Variants in ATP2C1 observed in about 807,000 individuals in gnomAD.
The protein encoded by ATP2C1 is calcium-transporting ATPase type 2C member 1.
Under a neutral mutation model 120.5 loss-of-function variants are expected in ATP2C1, and 31 were observed. The observed-to-expected ratio is 0.26, with a 90% CI of 0.19 to 0.35. The LOEUF is 0.35. Among genes scored for constraint, ATP2C1 ranks in the 10% least tolerant of loss-of-function variants. The pLI is 1.00. For synonymous variants in ATP2C1, 351 were observed against 358.7 expected, an observed-to-expected ratio of 0.98 and a Z score of 0.24; for missense variants, 731 against 1,107.5, an observed-to-expected ratio of 0.66 and a Z score of 4.83.
chr3:130,935,352 G>A (rs1046667887), intron 5 of ATP2C1, among the ~76,000 whole-genome samples: 1 of 152,106 alleles, frequency 6.6e-6, no homozygotes, highest in African/African-American at 2.4e-5. Flanking sequence ...TCCTTATAGT[G>A]CATGCTGTAT....
downstream of ATP2C1, among the ~76,000 whole-genome samples, chr3:131,003,817 A>C (rs2062999317): frequency 6.6e-6 from 1 of 152,230 alleles, no homozygotes; most frequent in African/African-American, 2.4e-5. Flanking sequence ...ATACTATATA[A>C]GTAAAGTAAG....
chr3:130,954,016 T>C (rs766225025), intron 9 of ATP2C1, 40 bp downstream of exon 9: 1 of 1,603,818 alleles, frequency 6.2e-7, no homozygotes, highest in South Asian at 1.1e-5. Flanking sequence ...AGTTCCTTTG[T>C]TTGAAACTAT....
chr3:130,908,469 T>TA (rs111613898), intron 2 of ATP2C1, among the ~76,000 whole-genome samples: 1,941 of 143,904 alleles, frequency 0.013, 21 homozygotes, highest in East Asian at 0.079. Flanking sequence ...TATTAGAAAT[T>TA]AAAAAAAAAA....
At chr3:130,988,596 C>G (rs998774721) in intron 20 of ATP2C1, among the ~76,000 whole-genome samples, 2 of 152,098 alleles carry the variant, frequency 1.3e-5, no homozygotes, top group East Asian at 1.9e-4. Flanking sequence ...AGGGATGACA[C>G]CCACGACCAG....
chr3:131,016,354 A>T, exon 27 of ATP2C1: 2 of 1,614,164 alleles, frequency 1.2e-6, no homozygotes, highest in Non-Finnish European at 1.7e-6. Flanking sequence ...ATAAAGAAAC[A>T]GCCCAAGGGC....
At chr3:130,917,672 G>T (rs2058746247) in intron 2 of ATP2C1, among the ~76,000 whole-genome samples, 1 of 152,172 alleles carries the variant, frequency 6.6e-6, no homozygotes. Flanking sequence ...TTGTGGTAAA[G>T]AGATCTAGCC....
chr3:130,937,806 A>G (rs773958790), intron 6 of ATP2C1, among the ~76,000 whole-genome samples: 1 of 152,234 alleles, frequency 6.6e-6, no homozygotes, highest in Non-Finnish European at 1.5e-5. Flanking sequence ...ACCAGAGTTT[A>G]TAGTTTCATA....
chr3:131,002,484 T>G lies in ATP2C1; in HGVS notation c.*1134T>G. ...GTATATCTCTTCTACTTTCATCATG[T>G]GTTCTGTACCTTCTTTTTGTTTCAT... On this transcript the variant is annotated 3_prime_UTR_variant, in exon 28 of 28. Coordinates refer to ENST00000510168, the MANE Select transcript of ATP2C1 (RefSeq NM_001378687.1). 1.0e-6 allele frequency: 1 copy of G among 985,444 alleles called. No individual in the cohort carries two copies. The highest frequency in any genetic ancestry group is 1.2e-6 in the Non-Finnish European group (1 of 829,932). 61.0% of individuals were successfully genotyped at this position (985,444 alleles called of 1,614,324 possible). A position where few individuals can be genotyped will look rare whatever the true frequency, so the allele number is the denominator to read the frequency against.
intron 17 of ATP2C1, among the ~76,000 whole-genome samples, chr3:130,974,156 A>G (rs1325070566): frequency 6.6e-6 from 1 of 152,216 alleles, no homozygotes; most frequent in Admixed American, 6.5e-5. Context: ...AGAGTTTAGG[A>G]AGAATGAATG....
chr3:130,866,660 G>A (rs2068187020), intron 1 of ATP2C1, among the ~76,000 whole-genome samples: 1 of 152,182 alleles, frequency 6.6e-6, no homozygotes, highest in South Asian at 2.1e-4. Context: ...CCTAAGAGGG[G>A]AGAAGTATGA....
chr3:131,010,260 G>A (rs561926410), intron 26 of ATP2C1, among the ~76,000 whole-genome samples: 1 of 148,134 alleles, frequency 6.8e-6, no homozygotes, highest in Non-Finnish European at 1.5e-5. Context: ...GAACGATCTC[G>A]GCTCACTGCA....
chr3:130,850,771 A>G, exon 1 of ATP2C1: 4 of 871,746 alleles, frequency 4.6e-6, no homozygotes, highest in African/African-American at 1.8e-5. Flanking sequence ...CTAATTTCAT[A>G]TGGTTGCTGA....
chr3:130,890,833 T>G (rs2069144966), upstream of ATP2C1, among the ~76,000 whole-genome samples: 2 of 151,222 alleles, frequency 1.3e-5, no homozygotes. Flanking sequence ...GTCCTTTATC[T>G]TATAAGAAGA....
chr3:130,894,777 T>A lies in ATP2C1; in HGVS notation c.6+2T>A. ...GTGCAGTTTCGATGGAAAATGAAGG[T>A]AAAGGCCCCTGGCCGACCGGTTGCA... On this transcript the variant is annotated splice_donor_variant, in intron 2 of 27. Coordinates refer to ENST00000510168, the MANE Select transcript of ATP2C1 (RefSeq NM_001378687.1). LOFTEE classifies it high-confidence loss of function. The surrounding 1 kb of genome is among the most constrained non-coding windows in gnomAD (Gnocchi z 4.5). The A allele has an allele frequency of 6.2e-7, 1 of 1,614,120 alleles. No individual in the cohort carries two copies. The highest frequency in any genetic ancestry group is 8.5e-7 in the Non-Finnish European group (1 of 1,179,950).
intron 1 of ATP2C1, among the ~76,000 whole-genome samples, chr3:130,888,714 G>T (rs763618594): frequency 2.6e-5 from 4 of 152,122 alleles, no homozygotes; most frequent in Non-Finnish European, 5.9e-5. Flanking sequence ...ATGGGGAAGG[G>T]GTGGTGTCTG....
chr3:130,970,490 A>G (rs115223729), intron 17 of ATP2C1, among the ~76,000 whole-genome samples: 4,096 of 151,804 alleles, frequency 0.027, 190 homozygotes, highest in African/African-American at 0.093. Flanking sequence ...CTCCCCTGGC[A>G]CAAGTGATCT....
At chr3:130,951,518 G>A (rs2060368269) in intron 8 of ATP2C1, among the ~76,000 whole-genome samples, 1 of 152,118 alleles carries the variant, frequency 6.6e-6, no homozygotes, top group African/African-American at 2.4e-5. Context: ...CTTTGAAGAA[G>A]GGCCCATTTT....
intron 1 of ATP2C1, among the ~76,000 whole-genome samples, chr3:130,880,901 CA>C (rs1157313463): frequency 6.6e-6 from 1 of 152,178 alleles, no homozygotes. Flanking sequence ...ATAGGAAGCA[CA>C]GTGGAGAGAG....
At chr3:131,014,224 T>C (rs765808356) in intron 26 of ATP2C1, 18 of 1,613,904 alleles carry the variant, frequency 1.1e-5, no homozygotes, top group Non-Finnish European at 1.5e-5. Flanking sequence ...GAATTTGATC[T>C]ACCTTTTGGT....
Sources: allele counts gnomAD v4.1 joint callset (sites outside exome capture counted in the v4.1 genomes callset), GRCh38; gene constraint gnomAD v4.1.1; non-coding constraint Gnocchi (gnomAD v3.1); transcripts MANE v1.5; gene names NCBI Gene and HGNC (gene_info 2026-07-23, HGNC 2026-07-21).